SCARB2: variants seen among roughly 807,000 people sequenced by gnomAD.
The protein encoded by SCARB2 is lysosome membrane protein 2.
SCARB2 carries 29 observed loss-of-function variants against 58.6 expected under a neutral mutation model. The ratio of observed to expected loss-of-function variants is 0.49; its 90% CI spans 0.37 to 0.67. SCARB2 has a LOEUF of 0.67. SCARB2 is among the 30% of genes least tolerant of loss of function. The pLI is 0.00. For synonymous variants in SCARB2, 195 were observed against 210.1 expected (o/e 0.93, Z 0.62); for missense variants, 488 against 578.5 (o/e 0.84, Z 1.60).
chr4:76,179,757 A>C, intron 3 of SCARB2, 52 bp from the exon 4 acceptor site: 1 of 1,361,102 alleles, frequency 7.3e-7, no homozygotes, highest in Middle Eastern at 2.0e-4. Context: ...AAGCACCTCC[A>C]TCCACTCTCT....
Position 76,176,478 on chromosome 4 carries a change from A to C in SCARB2, c.663T>G (p.Ser221Arg). 1 of 1,612,706 alleles carries C rather than the reference A, an allele frequency of 6.2e-7. No individual in the cohort carries two copies. Among genetic ancestry groups the C allele is most frequent in the Non-Finnish European group, 8.5e-7 (1 of 1,179,290 alleles). ...CCACAATTTTTGTAAAGTTAAGGTAACTGTCTTCTCCAGTTAGAAAAACAT... is the reference window on the plus strand; with the variant it reads ...CCACAATTTTTGTAAAGTTAAGGTACCTGTCTTCTCCAGTTAGAAAAACAT... ...GDYVFLTGED[S>R]YLNFTKIVEW... The change falls in exon 5 of 12, where the codon AGT (serine) becomes AGG (arginine). Residue 221 changes from serine to arginine, a missense_variant. Ser to Arg is a moderately radical substitution (Grantham distance 110). Coordinates refer to ENST00000264896, the MANE Select transcript of SCARB2 (RefSeq NM_005506.4).
At chr4:76,215,064 A>T (rs887714893), upstream of SCARB2, among the ~76,000 whole-genome samples, 4 of 152,260 alleles carry the variant, frequency 2.6e-5, no homozygotes, top group African/African-American at 4.8e-5. Flanking sequence ...GGCCCGCCTT[A>T]GTATCCCTGC....
rs1430326862 is a variant in SCARB2, at chr4:76,161,673, G to C, written c.*40C>G. The stretch of plus-strand genomic sequence containing the variant: ...TTTCCCCACGTCATCGTCCAGGTCA[G>C]GACAGCTCACACAGTTTCTTCACCA... On this transcript the variant is annotated 3_prime_UTR_variant, in exon 12 of 12. Coordinates refer to ENST00000264896, the MANE Select transcript of SCARB2 (RefSeq NM_005506.4). 2.5e-6 allele frequency: 4 copies of C among 1,611,184 alleles called. No homozygotes were observed. In the African/African-American group the frequency reaches 4.0e-5, roughly 16 times the overall value.
rs925167395 is a variant in SCARB2, at chr4:76,224,542, A to T, written c.-358+9761T>A. Among the ~76,000 whole-genome samples the T allele has an allele frequency of 3.3e-5, 5 of 152,162 alleles. No homozygotes were observed. In the East Asian group the frequency reaches 9.6e-4, roughly 29 times the overall value. On this transcript the variant is annotated intron_variant, in intron 1 of 11. Transcript: ENST00000638295. The stretch of plus-strand genomic sequence containing the variant: ...CATCTTAAAAGGGCAGAGAAAGAAT[A>T]AACAATTATAACTTTTTAAAAAATC...
At chr4:76,166,918 T>C (rs528305896) in intron 9 of SCARB2, 1 of 153,430 alleles carries the variant, frequency 6.5e-6, no homozygotes, top group South Asian at 2.1e-4. Context: ...AAATGCATTC[T>C]TGTAAACCAC....
At chr4:76,209,202 G>C (rs1159042208) in intron 1 of SCARB2, among the ~76,000 whole-genome samples, 1 of 152,166 alleles carries the variant, frequency 6.6e-6, no homozygotes, top group African/African-American at 2.4e-5. Context: ...CTCAGGAGAT[G>C]AGGTAGATAT....
Position 76,163,285 on chromosome 4 carries a change from AC to A in SCARB2, c.1337del (p.Gly446ValfsTer48), listed in dbSNP as rs796052949. 1.2e-6 allele frequency: 2 copies of A among 1,614,142 alleles called. No individual in the cohort carries two copies. The highest frequency in any genetic ancestry group is 1.7e-6 in the Non-Finnish European group (2 of 1,180,022). ...TNIPYIIMAL[G>X]VFFGLVFTWL... The stretch of plus-strand genomic sequence containing the variant: ...AGGTAAAAACCAAACCAAAGAACAC[AC>A]CCAGCGCCATGATGATGTAGGGTAT... On this transcript the variant is annotated frameshift_variant, in exon 11 of 12. Transcript: ENST00000264896. LOFTEE classifies it high-confidence loss of function.
At chr4:76,187,857 CTT>C (rs916101446) in intron 2 of SCARB2, among the ~76,000 whole-genome samples, 2 of 151,840 alleles carry the variant, frequency 1.3e-5, no homozygotes, top group Admixed American at 6.6e-5. Context: ...AGTCTACACT[CTT>C]AAAGATAATG....
At chr4:76,177,868 G>A (rs1732285774) in intron 4 of SCARB2, among the ~76,000 whole-genome samples, 1 of 152,166 alleles carries the variant, frequency 6.6e-6, no homozygotes, top group Non-Finnish European at 1.5e-5. Flanking sequence ...GCCAGGGCCT[G>A]GGAGAGTAAG....
chr4:76,170,855 T>C (rs1439554980), intron 7 of SCARB2, among the ~76,000 whole-genome samples: 2 of 151,842 alleles, frequency 1.3e-5, no homozygotes, highest in Non-Finnish European at 2.9e-5. Flanking sequence ...GGTTGTGCTA[T>C]ACACCCAGCC....
intron 2 of SCARB2, chr4:76,192,775 C>G (rs1286159913): frequency 2.0e-5 from 3 of 152,092 alleles, no homozygotes; most frequent in Admixed American, 6.6e-5. Context: ...ACCCTTGAGC[C>G]CAGGAGGTCA....
chr4:76,166,564 C>A, intron 9 of SCARB2: 1 of 543,080 alleles, frequency 1.8e-6, no homozygotes, highest in Admixed American at 3.1e-5. Context: ...TCCTTAGAGT[C>A]ATCAGGGAAG....
At position 76,212,434 on chromosome 4, in the gene SCARB2, G is replaced by A. The variant is rs570255470; in HGVS notation, c.117+993C>T. Among the ~76,000 whole-genome samples the A allele has an allele frequency of 3.3e-5, 5 of 152,284 alleles. No homozygotes were observed. The South Asian group carries it at 1.0e-3, about 32-fold the overall frequency. On this transcript the variant is annotated intron_variant, in intron 1 of 11. Coordinates refer to ENST00000264896, the MANE Select transcript of SCARB2 (RefSeq NM_005506.4). ...AAAGGAAGATATCCATTGCCACCTG[G>A]AATAAAATAGCTTTACTGACTGGAG... is the stretch of plus-strand genomic sequence containing the variant.
At chr4:76,175,419 G>T (rs1184398126) in intron 6 of SCARB2, 2 of 295,936 alleles carry the variant, frequency 6.8e-6, no homozygotes, top group African/African-American at 4.4e-5. Flanking sequence ...ACTTAATATT[G>T]GTTACTGTGT....
intron 9 of SCARB2, 36 bp from the exon 10 acceptor site, chr4:76,166,337 T>C: frequency 1.3e-6 from 2 of 1,595,198 alleles, no homozygotes; most frequent in African/African-American, 1.3e-5. Context: ...TTCAGAAACA[T>C]CCTCATCACA....
chr4:76,197,414 T>C (rs1248745904), intron 1 of SCARB2, among the ~76,000 whole-genome samples: 1 of 152,236 alleles, frequency 6.6e-6, no homozygotes, highest in African/African-American at 2.4e-5. Flanking sequence ...CACAGGTAGC[T>C]GCTGATCCTT....
intron 2 of SCARB2, among the ~76,000 whole-genome samples, chr4:76,190,181 TG>T (rs1316296130): frequency 5.3e-5 from 8 of 151,984 alleles, no homozygotes; most frequent in Non-Finnish European, 1.2e-4. Flanking sequence ...GCTAATTTTT[TG>T]TATTTTTGTT....
In SCARB2 at chr4:76,174,177, A is replaced by G. The variant is rs753843944; in HGVS notation, c.961T>C (p.Ser321Pro). The change falls in exon 7 of 12, where the codon TCA becomes CCA. Residue 321 changes from serine (S) to proline (P), a missense_variant. By Grantham distance (74) the Ser-to-Pro change is moderately conservative (BLOSUM62 -1). Coordinates refer to ENST00000264896, the MANE Select transcript of SCARB2 (RefSeq NM_005506.4). ...CAGATGCTGACATTCAGAACTCCTG[A>G]GCCCAGGCAGTTTCCCTCAGGTATA... is the stretch of plus-strand genomic sequence containing the variant. ...FCIPEGNCLG[S>P]GVLNVSICKN... The G allele has an allele frequency of 5.6e-6, 9 of 1,614,128 alleles. No individual in the cohort carries two copies. Among genetic ancestry groups the G allele is most frequent in the Non-Finnish European group, 5.1e-6 (6 of 1,180,032 alleles).
chr4:76,190,406 C>T (rs1385280538), intron 2 of SCARB2, among the ~76,000 whole-genome samples: 1 of 152,126 alleles, frequency 6.6e-6, no homozygotes, highest in African/African-American at 2.4e-5. Context: ...ATGTGAAGGT[C>T]AAGAGAGGTA....
Sources: allele counts gnomAD v4.1 joint callset (sites outside exome capture counted in the v4.1 genomes callset), GRCh38; gene constraint gnomAD v4.1.1; transcripts MANE v1.5; gene names NCBI Gene and HGNC (gene_info 2026-07-23, HGNC 2026-07-21).